Variants in STK32B observed in about 807,000 individuals in gnomAD.
STK32B encodes serine/threonine kinase 32B, also known as serine/threonine-protein kinase 32B.
STK32B carries 43 observed loss-of-function variants against 52.6 expected under a neutral mutation model. The observed-to-expected ratio is 0.82, with a 90% confidence interval of 0.64 to 1.05. The LOEUF (loss-of-function observed/expected upper bound fraction) is 1.05. STK32B is among the 50% of genes least tolerant of loss of function. The pLI, the probability that STK32B is intolerant of heterozygous loss-of-function variation, is 0.00. For synonymous variants in STK32B, 238 were observed against 204.3 expected, an observed-to-expected ratio of 1.17 and a Z score of -1.41; for missense variants, 621 against 534.6, an observed-to-expected ratio of 1.16 and a Z score of -1.59.
chr4:5,334,535 G>C (rs1329954924), intron 4 of STK32B, among the ~76,000 whole-genome samples: 1 of 152,144 alleles, frequency 6.6e-6, no homozygotes, highest in African/African-American at 2.4e-5. Flanking sequence ...TGGTGAGAGA[G>C]GGCATCCGTG....
intron 4 of STK32B, among the ~76,000 whole-genome samples, chr4:5,340,677 A>G (rs770472187): frequency 6.6e-6 from 1 of 152,232 alleles, no homozygotes; most frequent in African/African-American, 2.4e-5. Flanking sequence ...ATAAATAACA[A>G]CAGTGACAAT....
At chr4:5,136,914 A>T (rs1716112893) in intron 1 of STK32B, among the ~76,000 whole-genome samples, 2 of 152,328 alleles carry the variant, frequency 1.3e-5, no homozygotes, top group South Asian at 4.1e-4. Flanking sequence ...CAAGAAGCAG[A>T]CAAGCATTCA....
At chr4:5,296,556 A>G (rs2108890244) in intron 3 of STK32B, among the ~76,000 whole-genome samples, 1 of 152,078 alleles carries the variant, frequency 6.6e-6, no homozygotes, top group Admixed American at 6.6e-5. Context: ...TGGTTTACAG[A>G]CTATTTTATC....
chr4:5,233,968 T>G (rs930056955), intron 3 of STK32B, among the ~76,000 whole-genome samples: 2 of 152,036 alleles, frequency 1.3e-5, no homozygotes, highest in African/African-American at 4.8e-5. Context: ...TGATCTAACC[T>G]GGTCTTGCTC....
At chr4:5,455,429 A>G (rs1400497000) in intron 7 of STK32B, among the ~76,000 whole-genome samples, 1 of 152,236 alleles carries the variant, frequency 6.6e-6, no homozygotes, top group African/African-American at 2.4e-5. Context: ...CCGCATGCAT[A>G]GGAAATCAGC....
intron 11 of STK32B, among the ~76,000 whole-genome samples, chr4:5,495,886 C>T (rs1184927557): frequency 6.6e-6 from 1 of 152,188 alleles, no homozygotes; most frequent in East Asian, 1.9e-4. Context: ...GGCTGCAGAA[C>T]AGCGGGTTTT....
intron 2 of STK32B, among the ~76,000 whole-genome samples, chr4:5,159,562 A>AATGAATCTAT (rs1718179257): frequency 3.9e-5 from 2 of 51,640 alleles, no homozygotes; most frequent in Non-Finnish European, 6.8e-5. Context: ...AATATATATG[A>AATGAATCTAT]ATGAATATAT....
rs547031388 is a variant in STK32B at position 5,382,951 on chromosome 4, T to C, written c.435-15256T>C. Among the ~76,000 whole-genome samples the C allele has an allele frequency of 4.5e-4, 68 of 152,326 alleles. No individual in the cohort carries two copies. In the Middle Eastern group the frequency reaches 0.024, roughly 53 times the overall value. On this transcript the variant is annotated intron_variant, in intron 4 of 11. Coordinates refer to ENST00000282908, the MANE Select transcript of STK32B (RefSeq NM_018401.3). ...AACAGCCAGGGCTCTCTGACTCTTATGCGTTTTGGCAGCATGTCCCCTTGG... is the reference window on the plus strand; with the variant it reads ...AACAGCCAGGGCTCTCTGACTCTTACGCGTTTTGGCAGCATGTCCCCTTGG...
At position 5,139,960 on chromosome 4, in the gene STK32B, G is replaced by C; in HGVS notation, c.108G>C (p.Lys36Asn). ...LRAIGKGSFG[K>N]VCIVQKRDTK... The stretch of plus-strand genomic sequence containing the variant: ...CCATTGGTAAAGGGAGTTTTGGAAA[G>C]GTAAGAATATAAATGTCTGGACCAC... Residue 36 changes from lysine to asparagine, a missense_variant and splice_region_variant, in exon 2 of 12, where the codon AAG (lysine) becomes AAC (asparagine). By Grantham distance (94) the Lys-to-Asn change is moderately conservative. Coordinates refer to ENST00000282908, the MANE Select transcript of STK32B (RefSeq NM_018401.3). The C allele has an allele frequency of 6.2e-7, 1 of 1,614,150 alleles. No individual in the cohort carries two copies. The highest frequency in any genetic ancestry group is 1.7e-5 in the Admixed American group (1 of 60,030).
intron 3 of STK32B, among the ~76,000 whole-genome samples, chr4:5,191,709 G>A (rs1577167966): frequency 1.3e-5 from 2 of 152,296 alleles, no homozygotes; most frequent in South Asian, 4.1e-4. Flanking sequence ...TTCGTCGGCT[G>A]AGAATTGGGC....
chr4:5,353,252 T>G (rs1019885687), intron 4 of STK32B, among the ~76,000 whole-genome samples: 4 of 151,936 alleles, frequency 2.6e-5, no homozygotes, highest in Non-Finnish European at 5.9e-5. Context: ...AAAAAACAAC[T>G]CAAGGTGGAT....
intron 4 of STK32B, among the ~76,000 whole-genome samples, chr4:5,391,703 T>G (rs1736607173): frequency 6.6e-6 from 1 of 152,236 alleles, no homozygotes; most frequent in South Asian, 2.1e-4. Context: ...CTTTGGAATC[T>G]GGCCATTGGA....
chr4:5,444,613 T>C (rs1715209329), intron 6 of STK32B, among the ~76,000 whole-genome samples: 1 of 152,204 alleles, frequency 6.6e-6, no homozygotes, highest in Non-Finnish European at 1.5e-5. Context: ...TATTCGGCCA[T>C]CTTGGCTCCT....
chr4:5,354,963 C>T (rs1425141611), intron 4 of STK32B, among the ~76,000 whole-genome samples: 1 of 152,082 alleles, frequency 6.6e-6, no homozygotes, highest in African/African-American at 2.4e-5. Flanking sequence ...ATTTCATGAG[C>T]CAAGAAATGC....
At position 5,174,715 on chromosome 4, in the gene STK32B, C is replaced by T. The variant is rs184391148; in HGVS notation, c.260+6265C>T. Among the ~76,000 whole-genome samples the T allele has an allele frequency of 6.6e-4, 100 of 152,262 alleles. 1 individual carries two copies. In the Middle Eastern group the frequency reaches 0.02, roughly 31 times the overall value. ...TCCCTTTGTGGGTAACCCGACCTTT[C>T]TCTCTGGCTGCCCTTAACATTTTTT... On this transcript the variant is annotated intron_variant, in intron 3 of 11. Transcript: ENST00000282908.
intron 4 of STK32B, among the ~76,000 whole-genome samples, chr4:5,338,730 C>A (rs1732873509): frequency 6.6e-6 from 1 of 152,194 alleles, no homozygotes; most frequent in African/African-American, 2.4e-5. Context: ...AAGTCATTCT[C>A]AAATATTCCT....
chr4:5,324,398 C>T (rs1731735453), intron 3 of STK32B, among the ~76,000 whole-genome samples: 1 of 152,074 alleles, frequency 6.6e-6, no homozygotes, highest in African/African-American at 2.4e-5. Flanking sequence ...CGGTGTCTGG[C>T]ACAGAATTTG....
chr4:5,147,420 T>G (rs950151232), intron 2 of STK32B, among the ~76,000 whole-genome samples: 2 of 152,134 alleles, frequency 1.3e-5, no homozygotes, highest in Non-Finnish European at 2.9e-5. Flanking sequence ...ATTTATGCTT[T>G]TTAAATCTTT....
At chr4:5,462,942 C>T (rs1436732467) in intron 9 of STK32B, among the ~76,000 whole-genome samples, 2 of 152,168 alleles carry the variant, frequency 1.3e-5, no homozygotes, top group Non-Finnish European at 2.9e-5. Flanking sequence ...GCAGGGCCCT[C>T]GGAAGGAGAC....
Sources: allele counts gnomAD v4.1 joint callset (sites outside exome capture counted in the v4.1 genomes callset), GRCh38; gene constraint gnomAD v4.1.1; transcripts MANE v1.5; gene names NCBI Gene and HGNC (gene_info 2026-07-23, HGNC 2026-07-21).